The following KIF27 variants were observed in gnomAD, a reference collection of about 807,000 sequenced individuals.
KIF27 encodes the protein kinesin-like protein KIF27.
A neutral mutation model predicts 141.8 loss-of-function variants in KIF27; 84 were observed. That is an observed-to-expected ratio of 0.59 (90% CI 0.50 to 0.71). The LOEUF is 0.71. Among genes scored for constraint, KIF27 ranks in the 30% least tolerant of loss-of-function variants. The probability of loss-of-function intolerance (pLI) is 0.00; values close to 1 mark genes in which losing one functional copy is unlikely to be tolerated. For missense variants in KIF27, 1,306 were observed against 1,628.4 expected, an observed-to-expected ratio of 0.80 and a Z score of 3.41; for synonymous variants, 471 against 569.5, an observed-to-expected ratio of 0.83 and a Z score of 2.46.
At chr9:83,899,842 G>C in intron 4 of KIF27, 38 bp from the exon 5 acceptor site, 1 of 1,562,318 alleles carries the variant, frequency 6.4e-7, no homozygotes, top group Non-Finnish European at 8.7e-7. Context: ...ATTCACCACA[G>C]AAAATAATCA....
At chr9:83,860,078 T>C (rs1949722710) in intron 13 of KIF27, 2 of 152,332 alleles carry the variant, frequency 1.3e-5, no homozygotes, top group South Asian at 4.1e-4. Flanking sequence ...CTTAAACATA[T>C]AATTTGTTTT....
chr9:83,919,565 C>T (rs10868072), intron 1 of KIF27, among the ~76,000 whole-genome samples: 25,203 of 151,278 alleles, frequency 0.17, 2,334 homozygotes, highest in African/African-American at 0.23. Flanking sequence ...ATAACACTAA[C>T]AACAATGAAT....
At chr9:83,853,916 T>C (rs1948890918) in intron 14 of KIF27, 81 bp from the exon 15 acceptor site, 2 of 1,061,302 alleles carry the variant, frequency 1.9e-6, no homozygotes, top group Non-Finnish European at 1.4e-6. Context: ...TCCTAAGCTA[T>C]TTGAGTCTAA....
chr9:83,847,392 C>A (rs188007420), intron 16 of KIF27, among the ~76,000 whole-genome samples: 23 of 152,240 alleles, frequency 1.5e-4, no homozygotes, highest in Admixed American at 1.2e-3. Context: ...CATTTAAGTA[C>A]TGTTAACTTT....
chr9:83,917,283 CAT>C (rs1266400641), intron 1 of KIF27, among the ~76,000 whole-genome samples: 15 of 151,980 alleles, frequency 9.9e-5, no homozygotes, highest in African/African-American at 2.9e-4. Context: ...ATGTGTAAAA[CAT>C]ATAGTCTGAA....
At position 83,915,461 on chromosome 9, in the gene KIF27, A is replaced by C. The variant is rs768564047; in HGVS notation, c.131T>G (p.Val44Gly). The change falls in exon 2 of 18, where the codon GTC becomes GGC. Residue 44 changes from valine to glycine, a missense_variant. This residue lies in a region of KIF27 where 533 missense variants were observed against 565.6 expected (regional missense o/e 0.94). Transcript: ENST00000297814. The part of the protein sequence containing the change: ...SQQVIIGRDR[V>G]FTFDFVFGKN... ...GCCAAAAACAAAATCAAAAGTGAAGACTCTATCTCTCCCAATGATAACTTG... is the reference window on the plus strand; with the variant it reads ...GCCAAAAACAAAATCAAAAGTGAAGCCTCTATCTCTCCCAATGATAACTTG... 1.2e-6 allele frequency: 2 copies of C among 1,613,796 alleles called. No individual in the cohort carries two copies. Among genetic ancestry groups the C allele is most frequent in the Non-Finnish European group, 1.7e-6 (2 of 1,179,824 alleles).
At chr9:83,890,783 A>G (rs1264210733) in intron 6 of KIF27, among the ~76,000 whole-genome samples, 3 of 152,264 alleles carry the variant, frequency 2.0e-5, no homozygotes, top group African/African-American at 4.8e-5. Flanking sequence ...CGTCTTTTCC[A>G]TAATAGAGAT....
chr9:83,897,551 C>T (rs2780194), intron 5 of KIF27, among the ~76,000 whole-genome samples: 1 of 151,960 alleles, frequency 6.6e-6, no homozygotes, highest in Non-Finnish European at 1.5e-5. Flanking sequence ...GAGGAAACAA[C>T]TGGGGAAAGG....
intron 3 of KIF27, among the ~76,000 whole-genome samples, chr9:83,906,816 A>C (rs1220305845): frequency 1.3e-5 from 2 of 151,834 alleles, no homozygotes; most frequent in African/African-American, 2.4e-5. Flanking sequence ...GAAACAGCCT[A>C]AATGTCCAAC....
intron 5 of KIF27, among the ~76,000 whole-genome samples, chr9:83,892,399 G>A (rs1290448897): frequency 6.6e-6 from 1 of 151,686 alleles, no homozygotes; most frequent in Non-Finnish European, 1.5e-5. Flanking sequence ...TTAATATTAG[G>A]GTGCATGGTA....
intron 13 of KIF27, among the ~76,000 whole-genome samples, chr9:83,864,009 G>C (rs1258282243): frequency 2.6e-5 from 4 of 152,106 alleles, no homozygotes; most frequent in Admixed American, 6.5e-5. Context: ...ATTTCTGTGG[G>C]ATCGGTGGTG....
rs1217043540 is a variant in KIF27, at chr9:83,863,855, C to G, written c.2934+3829G>C. The stretch of plus-strand genomic sequence containing the variant: ...ATTAATTATTGCCTCAATTTCAGAG[C>G]CTGTCATTGGTCTATTCAGAGATTC... On this transcript the variant is annotated intron_variant, in intron 13 of 17. Coordinates refer to ENST00000297814, the MANE Select transcript of KIF27 (RefSeq NM_017576.4). 1.3e-4 allele frequency: 20 copies of G among 152,110 alleles called. 1 individual carries two copies. The highest frequency in any genetic ancestry group is 1.3e-3 in the Admixed American group (20 of 15,268). The allele number at this position is 152,110 out of a possible 1,614,324, so 9.4% of individuals were successfully genotyped here.
At chr9:83,904,154 TAAC>T in intron 3 of KIF27, 136 bp from the exon 4 acceptor site, 1 of 600,590 alleles carries the variant, frequency 1.7e-6, no homozygotes, top group Non-Finnish European at 2.9e-6. Context: ...ATAATAATAA[TAAC>T]ATCAGCAACA....
chr9:83,910,746 C>T (rs575447408), intron 2 of KIF27, among the ~76,000 whole-genome samples: 6 of 152,292 alleles, frequency 3.9e-5, no homozygotes, highest in African/African-American at 9.6e-5. Context: ...GAACACAGAC[C>T]GGTACCATAA....
intron 16 of KIF27, chr9:83,847,755 G>A (rs1255045681): frequency 6.6e-6 from 1 of 151,962 alleles, no homozygotes; most frequent in Non-Finnish European, 1.5e-5. Context: ...ATAAGAAGGT[G>A]AGACTGGCCT....
intron 14 of KIF27, chr9:83,854,911 C>T (rs1173272878): frequency 6.6e-6 from 1 of 152,226 alleles, no homozygotes; most frequent in Non-Finnish European, 1.5e-5. Context: ...AGTTTGAACT[C>T]AATATCTGTT....
At chr9:83,908,154 C>G (rs544979480) in intron 3 of KIF27, among the ~76,000 whole-genome samples, 1 of 150,446 alleles carries the variant, frequency 6.6e-6, no homozygotes, top group Non-Finnish European at 1.5e-5. Flanking sequence ...ACCAGCTACT[C>G]GGGAGGCTAA....
intron 17 of KIF27, among the ~76,000 whole-genome samples, chr9:83,840,096 A>T (rs572161013): frequency 4.1e-4 from 62 of 152,338 alleles, no homozygotes; most frequent in African/African-American, 1.4e-3. Flanking sequence ...ACCTTGTTTC[A>T]TGTCATTATA....
At chr9:83,885,403 T>C (rs1312921923) in intron 9 of KIF27, among the ~76,000 whole-genome samples, 3 of 152,056 alleles carry the variant, frequency 2.0e-5, no homozygotes, top group African/African-American at 4.8e-5. Flanking sequence ...TATTATACTA[T>C]TTATATAGCT....
Sources: gnomAD v4.1 joint callset for allele counts (sites outside exome capture counted in the v4.1 genomes callset) on GRCh38, gnomAD v4.1.1 for gene constraint, gnomAD v4.1.1 regional missense constraint, MANE v1.5 for transcripts, NCBI Gene and HGNC (gene_info 2026-07-23, HGNC 2026-07-21) for gene names.